Variants in COL14A1 observed in about 807,000 individuals in gnomAD.
The protein encoded by COL14A1 is collagen alpha-1(XIV) chain.
Under a neutral mutation model 230.3 loss-of-function variants are expected in COL14A1, and 136 were observed. The ratio of observed to expected loss-of-function variants is 0.59; its 90% CI spans 0.51 to 0.68. The LOEUF (loss-of-function observed/expected upper bound fraction) is 0.68. COL14A1 is among the 30% of genes least tolerant of loss of function. COL14A1 has a pLI of 0.00. For missense variants in COL14A1, 1,976 were observed against 2,215.8 expected (o/e 0.89, Z 2.17); for synonymous variants, 792 against 784.1 (o/e 1.01, Z -0.17).
chr8:120,209,675 C>A, intron 11 of COL14A1, 81 bp from the exon 12 acceptor site: 2 of 1,383,716 alleles, frequency 1.4e-6, no homozygotes, highest in South Asian at 1.4e-5. Context: ...CAAATATGGT[C>A]AATCTTATTT....
intron 45 of COL14A1, among the ~76,000 whole-genome samples, chr8:120,363,154 A>G (rs1586900172): frequency 6.6e-6 from 1 of 152,206 alleles, no homozygotes; most frequent in Non-Finnish European, 1.5e-5. Flanking sequence ...TGAACTATTC[A>G]CAACAGCAAA....
intron 1 of COL14A1, among the ~76,000 whole-genome samples, chr8:120,142,898 T>TATTA (rs1273428264): frequency 1.3e-5 from 2 of 152,204 alleles, no homozygotes; most frequent in Non-Finnish European, 2.9e-5. Context: ...ATAATTAATT[T>TATTA]ATTCCTTTAG....
intron 25 of COL14A1, among the ~76,000 whole-genome samples, chr8:120,269,162 A>C (rs1819584997): frequency 1.3e-5 from 2 of 151,820 alleles, no homozygotes; most frequent in Non-Finnish European, 1.5e-5. Context: ...CAATTGGCCT[A>C]AGATTAAAAG....
intron 4 of COL14A1, among the ~76,000 whole-genome samples, chr8:120,166,875 A>T (rs1011714489): frequency 6.8e-5 from 8 of 116,972 alleles, no homozygotes; most frequent in South Asian, 3.4e-4. Flanking sequence ...AAAGAATTTA[A>T]GTGTGTGTGT....
intron 17 of COL14A1, 132 bp downstream of exon 17, chr8:120,227,484 C>T: frequency 9.1e-7 from 1 of 1,099,048 alleles, no homozygotes; most frequent in South Asian, 1.6e-5. Context: ...CAGAATTCTT[C>T]ATATATCTTC....
At chr8:120,321,869 G>A (rs1473057277) in intron 40 of COL14A1, among the ~76,000 whole-genome samples, 1 of 152,058 alleles carries the variant, frequency 6.6e-6, no homozygotes, top group Non-Finnish European at 1.5e-5. Context: ...GATACAAAAG[G>A]TCTTAGGCAT....
intron 1 of COL14A1, among the ~76,000 whole-genome samples, chr8:120,127,074 T>C (rs60830936): frequency 0.035 from 5,305 of 152,294 alleles, 305 homozygotes; most frequent in African/African-American, 0.12. Context: ...CTGTACCTAT[T>C]AGCAGTACCT....
At chr8:120,158,767 T>C (rs1228145805) in intron 3 of COL14A1, among the ~76,000 whole-genome samples, 1 of 152,212 alleles carries the variant, frequency 6.6e-6, no homozygotes, top group Non-Finnish European at 1.5e-5. Context: ...ACTTAAATGA[T>C]GCTTAAAGAT....
At chr8:120,139,018 A>G (rs933393897) in intron 1 of COL14A1, among the ~76,000 whole-genome samples, 10 of 152,304 alleles carry the variant, frequency 6.6e-5, no homozygotes, top group African/African-American at 2.4e-4. Context: ...AACATCTCTT[A>G]TGAGTAAAAC....
intron 1 of COL14A1, among the ~76,000 whole-genome samples, 192 bp from the exon 2 acceptor site, chr8:120,147,614 G>T (rs1815138056): frequency 6.6e-6 from 1 of 152,148 alleles, no homozygotes; most frequent in African/African-American, 2.4e-5. Context: ...AAATCATTCT[G>T]TCCATTTACA....
intron 38 of COL14A1, 61 bp downstream of exon 38, chr8:120,314,088 A>C (rs1458432587): frequency 1.6e-6 from 2 of 1,233,756 alleles, no homozygotes; most frequent in Non-Finnish European, 2.3e-6. Flanking sequence ...TGAGGTTACA[A>C]AGAATGAACT....
rs865898119 is a variant in COL14A1, at chr8:120,270,252, G to A, written c.3213+78G>A. Reference sequence around the variant, plus strand: ...AGCTCTTATTACAGCTACTTGTCAGGGACTATAGGTCAAGAACTGTAATGA... The same window carrying A: ...AGCTCTTATTACAGCTACTTGTCAGAGACTATAGGTCAAGAACTGTAATGA... On this transcript the variant is annotated intron_variant, in intron 26 of 47. Transcript: ENST00000297848. 5 of 1,387,992 alleles carry A rather than the reference G, an allele frequency of 3.6e-6. No homozygotes were observed. The Middle Eastern group carries it at 7.5e-4, about 208-fold the overall frequency. The allele number at this position is 1,387,992 out of a possible 1,614,324, so 86.0% of individuals were successfully genotyped here. A position where few individuals can be genotyped will look rare whatever the true frequency, so the allele number is the denominator to read the frequency against.
At chr8:120,189,226 C>A (rs980556189) in intron 5 of COL14A1, among the ~76,000 whole-genome samples, 1 of 152,146 alleles carries the variant, frequency 6.6e-6, no homozygotes. Context: ...GTTGATGGGA[C>A]AAACATTGTA....
rs75238051 is a variant in COL14A1, at chr8:120,329,049, A to T, written c.4660-3092A>T. ...GGAAGCAAAAGATGCCTTTTTGGAA[A>T]TGTCTTCTTAAGTTAGTGAATATGT... On this transcript the variant is annotated intron_variant, in intron 40 of 47. Transcript: ENST00000297848. Among the ~76,000 whole-genome samples the T allele has an allele frequency of 4.4e-3, 663 of 152,276 alleles. 4 individuals are homozygous for T. The highest frequency in any genetic ancestry group is 0.016 in the African/African-American group (647 of 41,556).
chr8:120,332,200 C>T lies in COL14A1; in HGVS notation c.4713+6C>T. On this transcript the variant is annotated splice_donor_region_variant and intron_variant, in intron 41 of 47. Coordinates refer to ENST00000297848, the MANE Select transcript of COL14A1 (RefSeq NM_021110.4). The stretch of plus-strand genomic sequence containing the variant: ...CAGGACCACCAGGGCCAATAGTAAG[C>T]CTTTCCAGAAACTACTGGGACATAC... The T allele has an allele frequency of 6.2e-7, 1 of 1,613,556 alleles. No homozygotes were observed.
At chr8:120,303,222 C>T (rs184155022) in intron 36 of COL14A1, among the ~76,000 whole-genome samples, 3 of 152,210 alleles carry the variant, frequency 2.0e-5, no homozygotes, top group East Asian at 3.9e-4. Flanking sequence ...TATTTGGATG[C>T]CTTTATTTCT....
intron 6 of COL14A1, among the ~76,000 whole-genome samples, chr8:120,197,438 TAAAC>T (rs1393385541): frequency 6.6e-6 from 1 of 152,098 alleles, no homozygotes; most frequent in East Asian, 1.9e-4. Context: ...AAATCTTTAT[TAAAC>T]AAAGTCTCCT....
At position 120,222,992 on chromosome 8, in the gene COL14A1, A is replaced by G. The variant is rs529690479; in HGVS notation, c.1738-2096A>G. Among the ~76,000 whole-genome samples the G allele has an allele frequency of 8.5e-5, 13 of 152,324 alleles. No homozygotes were observed. The South Asian group carries it at 1.4e-3, about 17-fold the overall frequency. On this transcript the variant is annotated intron_variant, in intron 14 of 47. Transcript: ENST00000297848. The stretch of plus-strand genomic sequence containing the variant: ...TCCTCTGAGGAGGTGATAGTTAAGC[A>G]TAGTCATGATAGAGGAAGAAGGCCT...
chr8:120,217,004 TG>T (rs1817771504), intron 14 of COL14A1, among the ~76,000 whole-genome samples: 1 of 152,004 alleles, frequency 6.6e-6, no homozygotes, highest in Non-Finnish European at 1.5e-5. Flanking sequence ...GATTTATAGG[TG>T]GGGAGAAACA....
Sources: allele counts gnomAD v4.1 joint callset (sites outside exome capture counted in the v4.1 genomes callset), GRCh38; gene constraint gnomAD v4.1.1; transcripts MANE v1.5; gene names NCBI Gene and HGNC (gene_info 2026-07-23, HGNC 2026-07-21).